Variants in ZBED6 observed in about 807,000 individuals in gnomAD.
ZBED6 encodes the protein zinc finger BED domain-containing protein 6.
A neutral mutation model predicts 58.4 loss-of-function variants in ZBED6; 40 were observed. The ratio of observed to expected loss-of-function variants is 0.68; its 90% CI spans 0.53 to 0.89. ZBED6 has a LOEUF of 0.89. ZBED6 is among the 40% of genes least tolerant of loss of function. ZBED6 has a pLI of 0.00. For missense variants in ZBED6, 1,057 were observed against 1,003.9 expected, an observed-to-expected ratio of 1.05 and a Z score of -0.71; for synonymous variants, 439 against 350.6, an observed-to-expected ratio of 1.25 and a Z score of -2.82.
At chr1:203,849,660 A>C (rs1297887245) in intron 13 of ZBED6, 51 bp from the exon 14 acceptor site, 1 of 1,539,922 alleles carries the variant, frequency 6.5e-7, no homozygotes, top group East Asian at 2.2e-5. Flanking sequence ...TACATCATAC[A>C]GGTTATTAGA....
chr1:203,838,508 A>G (rs1685073174), intron 10 of ZBED6, among the ~76,000 whole-genome samples: 1 of 152,242 alleles, frequency 6.6e-6, no homozygotes, highest in Non-Finnish European at 1.5e-5. Context: ...AACTCCTGCA[A>G]AGGCAGAGCT....
chr1:203,816,917 T>A lies in ZBED6; in HGVS notation c.*2555-9T>A, dbSNP rs988033258. On this transcript the variant is annotated splice_polypyrimidine_tract_variant and intron_variant, in intron 1 of 16. Transcript: ENST00000550078. ...TGAAATATTTTAATTCATTGTCTCC[T>A]CATTTTAGGATTACAGTTTAAAGAC... The A allele has an allele frequency of 6.7e-5, 36 of 534,548 alleles. No homozygotes were observed. Among genetic ancestry groups the A allele is most frequent in the African/African-American group, 6.5e-4 (33 of 50,904 alleles). 33.1% of individuals were successfully genotyped at this position (534,548 alleles called of 1,614,324 possible).
At chr1:203,842,568 T>C (rs951254193) in intron 11 of ZBED6, among the ~76,000 whole-genome samples, 2 of 148,574 alleles carry the variant, frequency 1.3e-5, no homozygotes, top group African/African-American at 4.9e-5. Context: ...GCCTTGGCTT[T>C]CACAACTTTG....
At chr1:203,799,400 G>T (rs1021967648) in exon 1 of ZBED6, 16 of 703,042 alleles carry the variant, frequency 2.3e-5, no homozygotes, top group Admixed American at 2.0e-4. Context: ...GTCAGATACT[G>T]CAAGAGTTCC....
intron 3 of ZBED6, among the ~76,000 whole-genome samples, chr1:203,821,238 C>T (rs1678568640): frequency 6.6e-6 from 1 of 152,142 alleles, no homozygotes; most frequent in Non-Finnish European, 1.5e-5. Flanking sequence ...TGTCTTGCGT[C>T]CTGTTCACCT....
intron 13 of ZBED6, 61 bp downstream of exon 13, chr1:203,848,468 T>G: frequency 8.6e-4 from 1,105 of 1,282,450 alleles, no homozygotes; most frequent in Middle Eastern, 1.2e-3. Context: ...TAATTGGTAG[T>G]TTTACCTTAC....
intron 1 of ZBED6, among the ~76,000 whole-genome samples, chr1:203,810,045 A>G (rs1673823397): frequency 6.6e-6 from 1 of 151,818 alleles, no homozygotes; most frequent in African/African-American, 2.4e-5. Context: ...AAATTTATGG[A>G]TGTGCATCTT....
chr1:203,851,149 ACAAACTCCAGGCCC>A, intron 16 of ZBED6, 25 bp downstream of exon 16: 1 of 1,611,050 alleles, frequency 6.2e-7, no homozygotes, highest in Non-Finnish European at 8.5e-7. Flanking sequence ...TTCTTTCTAA[ACAAACTCCAGGCCC>A]CTGTTACTGT....
intron 1 of ZBED6, chr1:203,806,211 A>T (rs886181131): frequency 2.4e-6 from 1 of 423,542 alleles, no homozygotes; most frequent in South Asian, 1.9e-5. Flanking sequence ...CAATGCAGTC[A>T]TTCAGGCTGG....
chr1:203,847,753 G>T (rs981668747), intron 12 of ZBED6, 66 bp downstream of exon 12: 1 of 1,552,870 alleles, frequency 6.4e-7, no homozygotes, highest in African/African-American at 1.4e-5. Flanking sequence ...TGTTCCGTGG[G>T]ATCTTCCTAG....
chr1:203,834,022 G>T, intron 9 of ZBED6, 169 bp downstream of exon 9: 1 of 1,274,826 alleles, frequency 7.8e-7, no homozygotes, highest in Non-Finnish European at 9.9e-7. Context: ...TTTTATTGAA[G>T]ATACAGAGAT....
At chr1:203,818,432 C>A in intron 2 of ZBED6, 138 bp from the exon 3 acceptor site, 1 of 1,137,166 alleles carries the variant, frequency 8.8e-7, no homozygotes, top group Non-Finnish European at 1.2e-6. Flanking sequence ...TCCTGTCATT[C>A]CATGTCCATT....
chr1:203,825,913 CT>C (rs1220125020), intron 3 of ZBED6, among the ~76,000 whole-genome samples: 1 of 152,084 alleles, frequency 6.6e-6, no homozygotes, highest in Non-Finnish European at 1.5e-5. Flanking sequence ...ACATATATTA[CT>C]TTTCAATTAG....
At chr1:203,819,109 C>CAT (rs1677412423) in intron 3 of ZBED6, among the ~76,000 whole-genome samples, 1 of 149,898 alleles carries the variant, frequency 6.7e-6, no homozygotes, top group South Asian at 2.1e-4. Context: ...CACACACACA[C>CAT]ACACACACAC....
chr1:203,810,149 GT>G (rs1315810818), intron 1 of ZBED6, among the ~76,000 whole-genome samples: 7 of 144,470 alleles, frequency 4.8e-5, no homozygotes, highest in South Asian at 2.3e-4. Context: ...TTTGTTTTTT[GT>G]TTTTTTTTTA....
chr1:203,819,001 G>A (rs1677294203), intron 3 of ZBED6, among the ~76,000 whole-genome samples: 1 of 150,678 alleles, frequency 6.6e-6, no homozygotes, highest in African/African-American at 2.4e-5. Context: ...CCAGGGAGTT[G>A]GAGGTTGCAG....
At chr1:203,801,537 T>C (rs1670558504) in exon 1 of ZBED6, 1 of 152,622 alleles carries the variant, frequency 6.6e-6, no homozygotes, top group African/African-American at 2.4e-5. Flanking sequence ...ACTGAATAAC[T>C]AATGTGAGAT....
chr1:203,798,425 A>G, exon 1 of ZBED6: 2 of 1,534,238 alleles, frequency 1.3e-6, no homozygotes, highest in Non-Finnish European at 1.7e-6. Context: ...GGTCCCACTT[A>G]GGGACTTCAA....
chr1:203,840,101 G>A (rs1256057873), intron 10 of ZBED6, among the ~76,000 whole-genome samples: 1 of 151,942 alleles, frequency 6.6e-6, no homozygotes, highest in Non-Finnish European at 1.5e-5. Context: ...ACTGCGCCCA[G>A]CTAATTTTTG....
Sources: gnomAD v4.1 joint callset for allele counts (sites outside exome capture counted in the v4.1 genomes callset) on GRCh38, gnomAD v4.1.1 for gene constraint, MANE v1.5 for transcripts, NCBI Gene and HGNC (gene_info 2026-07-23, HGNC 2026-07-21) for gene names.